The following C1QTNF7 variants were observed in gnomAD, a reference collection of about 807,000 sequenced individuals.
C1QTNF7 encodes the protein complement C1q tumor necrosis factor-related protein 7.
A neutral mutation model predicts 19.6 loss-of-function variants in C1QTNF7; 15 were observed. That is an observed-to-expected ratio of 0.76 (90% CI 0.51 to 1.18). The LOEUF (loss-of-function observed/expected upper bound fraction) is 1.18. C1QTNF7 is among the 50% of genes most tolerant of loss of function. The pLI, the probability that C1QTNF7 is intolerant of heterozygous loss-of-function variation, is 0.00. For synonymous variants in C1QTNF7, 142 were observed against 137.5 expected, an observed-to-expected ratio of 1.03 and a Z score of -0.23; for missense variants, 324 against 359.7, an observed-to-expected ratio of 0.90 and a Z score of 0.80.
At chr4:15,420,465 A>C (rs899024853) in intron 1 of C1QTNF7, among the ~76,000 whole-genome samples, 4 of 152,244 alleles carry the variant, frequency 2.6e-5, no homozygotes, top group African/African-American at 9.6e-5. Flanking sequence ...TGAAAGAAAA[A>C]GGAATGCCTC....
At chr4:15,358,719 C>G (rs1717233844) in intron 1 of C1QTNF7, 1 of 152,104 alleles carries the variant, frequency 6.6e-6, no homozygotes, top group African/African-American at 2.4e-5. Context: ...AAGCCAGGCT[C>G]TATTAGAGGA....
chr4:15,396,572 G>A (rs1031636882), intron 1 of C1QTNF7, among the ~76,000 whole-genome samples: 4 of 152,042 alleles, frequency 2.6e-5, no homozygotes, highest in African/African-American at 4.8e-5. Flanking sequence ...AAGACTTAGG[G>A]GGCACATTAT....
At chr4:15,340,099 A>G in exon 1 of C1QTNF7, 1 of 1,365,726 alleles carries the variant, frequency 7.3e-7, no homozygotes, top group Non-Finnish European at 1.0e-6. Flanking sequence ...AATAATAAAC[A>G]CATATTTCTG....
intron 1 of C1QTNF7, among the ~76,000 whole-genome samples, chr4:15,373,393 T>C (rs4235377): frequency 0.19 from 28,579 of 152,178 alleles, 5,375 homozygotes; most frequent in African/African-American, 0.47. Context: ...TCACATTGGA[T>C]CTTAGGTTCC....
At chr4:15,432,074 G>A (rs1466642719) in intron 1 of C1QTNF7, among the ~76,000 whole-genome samples, 1 of 152,168 alleles carries the variant, frequency 6.6e-6, no homozygotes, top group Non-Finnish European at 1.5e-5. Flanking sequence ...ACAATGCGAA[G>A]AGACACGTGA....
chr4:15,383,810 T>C (rs1718232842), intron 1 of C1QTNF7, among the ~76,000 whole-genome samples: 2 of 152,214 alleles, frequency 1.3e-5, no homozygotes, highest in East Asian at 3.8e-4. Context: ...ACCTGCCAGG[T>C]CCACCTTCCT....
chr4:15,368,655 G>A (rs1399719747), intron 1 of C1QTNF7, among the ~76,000 whole-genome samples: 1 of 152,226 alleles, frequency 6.6e-6, no homozygotes, highest in Non-Finnish European at 1.5e-5. Context: ...ATTCCATGGT[G>A]TATATGTGCC....
At chr4:15,340,203 A>G (rs1716490900) in exon 1 of C1QTNF7, 1 of 1,551,664 alleles carries the variant, frequency 6.4e-7, no homozygotes, top group South Asian at 1.2e-5. Context: ...CAATGTCCAG[A>G]CAAGGTAAGC....
At chr4:15,398,210 G>A (rs1048989615) in intron 1 of C1QTNF7, among the ~76,000 whole-genome samples, 2 of 152,186 alleles carry the variant, frequency 1.3e-5, no homozygotes, top group African/African-American at 4.8e-5. Flanking sequence ...ATAGGCCATA[G>A]CGATGACAGC....
At chr4:15,399,465 A>T (rs1212690697) in intron 1 of C1QTNF7, among the ~76,000 whole-genome samples, 1 of 152,172 alleles carries the variant, frequency 6.6e-6, no homozygotes, top group African/African-American at 2.4e-5. Flanking sequence ...ATTTCAATCG[A>T]TGATCTGTGA....
At chr4:15,419,905 C>A (rs1426040988) in intron 1 of C1QTNF7, 2 of 152,118 alleles carry the variant, frequency 1.3e-5, no homozygotes, top group Non-Finnish European at 2.9e-5. Context: ...AGAATCCTTG[C>A]CAGTGGTGGG....
At chr4:15,368,469 T>G (rs1263449842) in intron 1 of C1QTNF7, among the ~76,000 whole-genome samples, 1 of 151,734 alleles carries the variant, frequency 6.6e-6, no homozygotes, top group East Asian at 1.9e-4. Context: ...GGCCCCGGTG[T>G]GTGATGTTCC....
chr4:15,433,063 A>G (rs1712391845), intron 1 of C1QTNF7, among the ~76,000 whole-genome samples: 1 of 152,152 alleles, frequency 6.6e-6, no homozygotes, highest in East Asian at 1.9e-4. Context: ...CTGAGAAGCC[A>G]CTGTCCAAAT....
rs539310404 is a variant in C1QTNF7 at position 15,343,439 on chromosome 4, C to CT, written c.13+3245dup. ...GGATTCTCATCTCTAAGAGAATTGA[C>CT]TTTTTTTTTTTTTAACTATGTTCAA... On this transcript the variant is annotated intron_variant, in intron 1 of 2. Coordinates refer to the C1QTNF7 transcript ENST00000295297. Among the ~76,000 whole-genome samples, 1,119 of 145,258 alleles carry CT rather than the reference C, an allele frequency of 7.7e-3. 6 individuals carry two copies. The highest frequency in any genetic ancestry group is 0.012 in the Non-Finnish European group (762 of 65,802).
intron 1 of C1QTNF7, among the ~76,000 whole-genome samples, chr4:15,415,893 G>A (rs1719588497): frequency 1.3e-5 from 2 of 152,100 alleles, no homozygotes; most frequent in South Asian, 2.1e-4. Flanking sequence ...TTTAAGAACT[G>A]CAAAACAGTC....
chr4:15,441,565 C>G (rs909093795), intron 2 of C1QTNF7, among the ~76,000 whole-genome samples: 1 of 152,134 alleles, frequency 6.6e-6, no homozygotes, highest in Non-Finnish European at 1.5e-5. Context: ...TGCCCAGTAC[C>G]TATATGTGAA....
At chr4:15,363,790 A>G (rs1432772478) in intron 1 of C1QTNF7, among the ~76,000 whole-genome samples, 2 of 152,230 alleles carry the variant, frequency 1.3e-5, no homozygotes, top group Non-Finnish European at 2.9e-5. Flanking sequence ...GCACAAACTA[A>G]GACAATATGA....
At chr4:15,376,763 T>C (rs1189969680) in intron 1 of C1QTNF7, among the ~76,000 whole-genome samples, 3 of 152,202 alleles carry the variant, frequency 2.0e-5, no homozygotes, top group African/African-American at 7.2e-5. Flanking sequence ...TCTGCATTCC[T>C]TTATCCAGTT....
chr4:15,353,672 G>T (rs146512134), intron 1 of C1QTNF7, among the ~76,000 whole-genome samples: 4,299 of 152,086 alleles, frequency 0.028, 90 homozygotes, highest in Non-Finnish European at 0.039. Context: ...TAACCAGGGA[G>T]CGGGACAACT....
Sources: allele counts gnomAD v4.1 joint callset (sites outside exome capture counted in the v4.1 genomes callset), GRCh38; gene constraint gnomAD v4.1.1; transcripts MANE v1.5; gene names NCBI Gene and HGNC (gene_info 2026-07-23, HGNC 2026-07-21).